Variants in SORCS1 observed in about 807,000 individuals in gnomAD.
SORCS1 encodes the protein sortilin related VPS10 domain containing receptor 1, also known as VPS10 domain-containing receptor SorCS1.
SORCS1 carries 60 observed loss-of-function variants against 146.1 expected under a neutral mutation model. The ratio of observed to expected loss-of-function variants is 0.41; its 90% CI spans 0.33 to 0.51. SORCS1 has a LOEUF of 0.51. SORCS1 is among the 20% of genes least tolerant of loss of function. The probability of loss-of-function intolerance (pLI) is 0.21; values close to 1 mark genes in which losing one functional copy is unlikely to be tolerated. For synonymous variants in SORCS1, 637 were observed against 584.0 expected (o/e 1.09, Z -1.31); for missense variants, 1,352 against 1,487.6 (o/e 0.91, Z 1.50).
intron 21 of SORCS1, among the ~76,000 whole-genome samples, chr10:106,613,673 T>TAG (rs1847162966): frequency 6.6e-6 from 1 of 152,164 alleles, no homozygotes; most frequent in African/African-American, 2.4e-5. Context: ...TGGCACATAA[T>TAG]AGACTCAGAT....
chr10:106,979,481 C>T (rs1331359792), intron 1 of SORCS1, among the ~76,000 whole-genome samples: 3 of 152,036 alleles, frequency 2.0e-5, no homozygotes, highest in African/African-American at 7.2e-5. Context: ...AAATTATTAG[C>T]CCTCAGTATG....
intron 1 of SORCS1, among the ~76,000 whole-genome samples, chr10:107,019,768 T>C (rs1958052676): frequency 6.6e-6 from 1 of 152,244 alleles, no homozygotes; most frequent in Non-Finnish European, 1.5e-5. Flanking sequence ...GTGCACTTCG[T>C]GAGGTGTGCT....
intron 1 of SORCS1, among the ~76,000 whole-genome samples, chr10:107,083,090 CAGAGTA>C (rs1963461036): frequency 8.6e-6 from 1 of 115,874 alleles, no homozygotes; most frequent in Non-Finnish European, 1.6e-5. Context: ...GCCTGGGTGA[CAGAGTA>C]AGACTCCAAC....
chr10:106,762,842 T>C (rs1313631714), intron 4 of SORCS1, among the ~76,000 whole-genome samples: 1 of 152,146 alleles, frequency 6.6e-6, no homozygotes, highest in Non-Finnish European at 1.5e-5. Context: ...TCACACTGTC[T>C]TAACTGAGAA....
intron 8 of SORCS1, among the ~76,000 whole-genome samples, chr10:106,704,700 CAAAACA>C (rs1313623175): frequency 6.6e-6 from 1 of 152,056 alleles, no homozygotes; most frequent in East Asian, 1.9e-4. Context: ...AAAAACAAAA[CAAAACA>C]AAAACAAAAA....
At chr10:106,786,716 ATAAG>A (rs1313920588) in intron 3 of SORCS1, among the ~76,000 whole-genome samples, 1 of 152,190 alleles carries the variant, frequency 6.6e-6, no homozygotes, top group Non-Finnish European at 1.5e-5. Context: ...CATATTGAAG[ATAAG>A]TAACCACAAC....
At chr10:106,671,781 AAT>A (rs1319173746) in intron 15 of SORCS1, among the ~76,000 whole-genome samples, 1 of 152,220 alleles carries the variant, frequency 6.6e-6, no homozygotes, top group Non-Finnish European at 1.5e-5. Context: ...ATTGCTAAGA[AAT>A]ATAAAGATCA....
rs759935006 is a variant in SORCS1, at chr10:106,652,408, CGTT to C, written c.2446_2448del (p.Asn816del). ...TCTTCTAATTGCACCATGAGAGTGA[CGTT>C]GTGTCCTTGTTCCGCTGTCAGCTTT... On this transcript the variant is annotated inframe_deletion, in exon 18 of 26. Transcript: ENST00000263054. 1 of 1,614,078 alleles carries C rather than the reference CGTT, an allele frequency of 6.2e-7. No individual in the cohort carries two copies. The highest frequency in any genetic ancestry group is 1.7e-5 in the Admixed American group (1 of 60,022).
intron 1 of SORCS1, among the ~76,000 whole-genome samples, chr10:106,996,969 G>C (rs537792187): frequency 6.6e-6 from 1 of 151,324 alleles, no homozygotes; most frequent in East Asian, 1.9e-4. Flanking sequence ...TTTTTTTCTT[G>C]GATTTTCTCT....
At chr10:106,767,947 A>G (rs1172911075) in intron 4 of SORCS1, among the ~76,000 whole-genome samples, 1 of 152,232 alleles carries the variant, frequency 6.6e-6, no homozygotes, top group Non-Finnish European at 1.5e-5. Context: ...CTTGTTTTAA[A>G]ATGTTCATTT....
intron 8 of SORCS1, among the ~76,000 whole-genome samples, chr10:106,705,868 G>C (rs966707648): frequency 6.6e-6 from 1 of 152,148 alleles, no homozygotes; most frequent in East Asian, 1.9e-4. Context: ...GTTTTCCAAA[G>C]GATATGCCTT....
Position 107,102,066 on chromosome 10 carries a change from A to G in SORCS1, c.558+61903T>C, listed in dbSNP as rs149976559. Reference sequence around the variant, plus strand: ...ATAAGGGAGCTTTCTGGACCTTATGAAACGATTTCTATCTTGGTCATCATT... The same window carrying G: ...ATAAGGGAGCTTTCTGGACCTTATGGAACGATTTCTATCTTGGTCATCATT... On this transcript the variant is annotated intron_variant, in intron 1 of 25. Coordinates refer to ENST00000263054, the MANE Select transcript of SORCS1 (RefSeq NM_052918.5). Among the ~76,000 whole-genome samples, 31 of 152,298 alleles carry G rather than the reference A, an allele frequency of 2.0e-4. No homozygotes were observed. The East Asian group carries it at 5.6e-3, about 27-fold the overall frequency.
rs561757424 is a variant in SORCS1 at position 107,035,113 on chromosome 10, T to A, written c.559-78533A>T. ...AGTATATTCATTACCACCTTTTTTT[T>A]AATCCCAAGAAATTTCTAGATTAGA... is the stretch of plus-strand genomic sequence containing the variant. On this transcript the variant is annotated intron_variant, in intron 1 of 25. Transcript: ENST00000263054. Among the ~76,000 whole-genome samples, 701 of 152,132 alleles carry A rather than the reference T, an allele frequency of 4.6e-3. 3 individuals are homozygous for A. Among genetic ancestry groups the A allele is most frequent in the Non-Finnish European group, 7.5e-3 (510 of 67,990 alleles).
intron 1 of SORCS1, among the ~76,000 whole-genome samples, chr10:106,974,012 G>T (rs1440701322): frequency 6.6e-6 from 1 of 152,022 alleles, no homozygotes; most frequent in Non-Finnish European, 1.5e-5. Context: ...AGGGTGGAGT[G>T]AGAGTCAGTC....
At chr10:107,111,550 G>A (rs565501715) in intron 1 of SORCS1, among the ~76,000 whole-genome samples, 52 of 152,198 alleles carry the variant, frequency 3.4e-4, no homozygotes, top group Admixed American at 2.6e-3. Context: ...ATTTTTAAAA[G>A]TTGAAGAAAG....
intron 19 of SORCS1, among the ~76,000 whole-genome samples, chr10:106,622,057 C>T (rs959502744): frequency 5.9e-5 from 9 of 151,884 alleles, no homozygotes; most frequent in Non-Finnish European, 8.8e-5. Flanking sequence ...TTTTGGAGGC[C>T]GAGTTGGGTG....
intron 1 of SORCS1, among the ~76,000 whole-genome samples, chr10:106,998,565 C>A (rs1364064986): frequency 6.6e-6 from 1 of 152,194 alleles, no homozygotes; most frequent in African/African-American, 2.4e-5. Flanking sequence ...TGACCTGGAA[C>A]AAAAATAAGC....
intron 1 of SORCS1, among the ~76,000 whole-genome samples, chr10:106,998,158 G>A (rs559116049): frequency 1.5e-4 from 23 of 152,272 alleles, no homozygotes; most frequent in African/African-American, 2.9e-4. Flanking sequence ...GTTTATATCC[G>A]CTGCTTTTAC....
At chr10:107,056,327 C>T (rs1178891654) in intron 1 of SORCS1, among the ~76,000 whole-genome samples, 1 of 152,174 alleles carries the variant, frequency 6.6e-6, no homozygotes, top group Non-Finnish European at 1.5e-5. Context: ...TGCTCTTTTG[C>T]CTCATTGGGA....
Sources: gnomAD v4.1 joint callset for allele counts (sites outside exome capture counted in the v4.1 genomes callset) on GRCh38, gnomAD v4.1.1 for gene constraint, MANE v1.5 for transcripts, NCBI Gene and HGNC (gene_info 2026-07-23, HGNC 2026-07-21) for gene names.